The following MACROD2 variants were observed in gnomAD, a reference collection of about 807,000 sequenced individuals.
The protein encoded by MACROD2 is ADP-ribose glycohydrolase MACROD2.
In MACROD2, 36 loss-of-function variants were observed where a neutral mutation model predicts 70.4. The ratio of observed to expected loss-of-function variants is 0.51; its 90% CI spans 0.39 to 0.68. The LOEUF (loss-of-function observed/expected upper bound fraction) is 0.68. Among genes scored for constraint, MACROD2 ranks in the 30% least tolerant of loss-of-function variants. The pLI, the probability that MACROD2 is intolerant of heterozygous loss-of-function variation, is 0.00. For synonymous variants in MACROD2, 172 were observed against 178.8 expected, an observed-to-expected ratio of 0.96 and a Z score of 0.30; for missense variants, 496 against 538.4, an observed-to-expected ratio of 0.92 and a Z score of 0.78.
chr20:14,080,765 G>C (rs1359930919), intron 2 of MACROD2, among the ~76,000 whole-genome samples: 1 of 151,814 alleles, frequency 6.6e-6, no homozygotes, highest in East Asian at 1.9e-4. Flanking sequence ...AATTATTCTA[G>C]TTTCCTCTGA....
intron 2 of MACROD2, among the ~76,000 whole-genome samples, chr20:14,084,741 A>G (rs369406493): frequency 2.8e-4 from 43 of 152,118 alleles, no homozygotes; most frequent in African/African-American, 8.0e-4. Context: ...CACCCTCTAG[A>G]GCAAAAGGTA....
chr20:15,106,416 A>C (rs947459674), intron 5 of MACROD2, among the ~76,000 whole-genome samples: 3 of 152,182 alleles, frequency 2.0e-5, no homozygotes, highest in African/African-American at 7.2e-5. Flanking sequence ...GTGAATACCT[A>C]TTCTGTATAA....
At chr20:14,552,602 T>C (rs148636135) in intron 4 of MACROD2, among the ~76,000 whole-genome samples, 1 of 151,962 alleles carries the variant, frequency 6.6e-6, no homozygotes, top group Non-Finnish European at 1.5e-5. Flanking sequence ...GTGAACATCA[T>C]AGAGTGAACC....
intron 4 of MACROD2, among the ~76,000 whole-genome samples, chr20:14,535,025 A>G (rs1347917321): frequency 1.3e-5 from 2 of 152,232 alleles, no homozygotes; most frequent in South Asian, 2.1e-4. Context: ...TAATGATCCA[A>G]GCATAAAAAA....
chr20:14,931,764 G>A, intron 5 of MACROD2, among the ~76,000 whole-genome samples: 1 of 151,766 alleles, frequency 6.6e-6, no homozygotes, highest in East Asian at 1.9e-4. Context: ...TTGGGAGGAT[G>A]AGGTGGGAAG....
At chr20:14,905,386 C>T (rs41275418) in intron 5 of MACROD2, 12 of 152,026 alleles carry the variant, frequency 7.9e-5, no homozygotes, top group Non-Finnish European at 1.2e-4. Flanking sequence ...TGAAGTCAAA[C>T]TGCAAAGTCA....
chr20:14,371,301 A>G (rs1466873802), intron 3 of MACROD2, among the ~76,000 whole-genome samples: 1 of 152,120 alleles, frequency 6.6e-6, no homozygotes, highest in African/African-American at 2.4e-5. Context: ...CTTAGGCAAC[A>G]CAGCAAGACC....
intron 7 of MACROD2, among the ~76,000 whole-genome samples, chr20:15,459,587 G>A (rs1371519539): frequency 5.9e-5 from 9 of 152,064 alleles, no homozygotes; most frequent in South Asian, 4.2e-4. Flanking sequence ...AAAGAATTAC[G>A]GCTGCCTGCT....
intron 9 of MACROD2, among the ~76,000 whole-genome samples, chr20:15,869,294 G>A (rs2147177493): frequency 7.3e-6 from 1 of 136,180 alleles, no homozygotes; most frequent in South Asian, 2.5e-4. Context: ...TAATAAGATA[G>A]GAAAATTAAT....
chr20:14,655,513 TACCTG>T (rs1568722736), intron 4 of MACROD2, among the ~76,000 whole-genome samples: 1 of 152,184 alleles, frequency 6.6e-6, no homozygotes, highest in Non-Finnish European at 1.5e-5. Context: ...TGTTAAAATT[TACCTG>T]ACCTGACTCT....
At chr20:14,375,065 A>T (rs1447468221) in intron 3 of MACROD2, among the ~76,000 whole-genome samples, 1 of 152,104 alleles carries the variant, frequency 6.6e-6, no homozygotes, top group Non-Finnish European at 1.5e-5. Flanking sequence ...TTTTTGTCCT[A>T]AAAGGAAATT....
chr20:15,908,564 A>T (rs1050371840), intron 10 of MACROD2, among the ~76,000 whole-genome samples: 2 of 152,212 alleles, frequency 1.3e-5, no homozygotes, highest in Non-Finnish European at 2.9e-5. Context: ...TGGAATCCAT[A>T]TCACCTTCTG....
chr20:15,088,437 ATATATATATATATAATATTT>A (rs2075768315), intron 5 of MACROD2, among the ~76,000 whole-genome samples: 7 of 31,072 alleles, frequency 2.3e-4, no homozygotes, highest in African/African-American at 5.4e-4. Context: ...ATATATATAT[ATATATATATATATAATATTT>A]TGTGTGTGTG....
intron 5 of MACROD2, among the ~76,000 whole-genome samples, chr20:15,096,384 G>T (rs6043091): frequency 0.14 from 21,356 of 148,568 alleles, 1,687 homozygotes; most frequent in Middle Eastern, 0.19. Context: ...TATTGTTCAT[G>T]TATGTTTTTT....
chr20:15,151,870 G>A (rs916180429), intron 5 of MACROD2, among the ~76,000 whole-genome samples: 1 of 151,922 alleles, frequency 6.6e-6, no homozygotes, highest in Non-Finnish European at 1.5e-5. Context: ...GAGGAGTGGA[G>A]GCTAAGGAAG....
intron 5 of MACROD2, among the ~76,000 whole-genome samples, chr20:14,785,493 G>A (rs1271770838): frequency 6.6e-6 from 1 of 151,408 alleles, no homozygotes; most frequent in Non-Finnish European, 1.5e-5. Flanking sequence ...GTCCCCCTGG[G>A]GGACTTGGAG....
At chr20:15,624,917 C>A (rs2049181237) in intron 8 of MACROD2, among the ~76,000 whole-genome samples, 2 of 152,150 alleles carry the variant, frequency 1.3e-5, no homozygotes, top group Non-Finnish European at 2.9e-5. Flanking sequence ...AGTTCTTACA[C>A]CTCATTGATA....
intron 3 of MACROD2, among the ~76,000 whole-genome samples, chr20:14,489,888 T>C (rs1600296320): frequency 6.7e-6 from 1 of 150,214 alleles, no homozygotes; most frequent in African/African-American, 2.4e-5. Flanking sequence ...AAAGACAGAG[T>C]CTTGCTCTGT....
intron 6 of MACROD2, among the ~76,000 whole-genome samples, chr20:15,234,171 A>G (rs1675688232): frequency 7.1e-6 from 1 of 141,248 alleles, no homozygotes; most frequent in Admixed American, 7.1e-5. Flanking sequence ...AGCTGGGACT[A>G]CAGGCGCCCG....
Sources: allele counts gnomAD v4.1 joint callset (sites outside exome capture counted in the v4.1 genomes callset), GRCh38; gene constraint gnomAD v4.1.1; transcripts MANE v1.5; gene names NCBI Gene and HGNC (gene_info 2026-07-23, HGNC 2026-07-21).